Variants in UBR4 observed in about 807,000 individuals in gnomAD.
UBR4 encodes the protein E3 ubiquitin-protein ligase UBR4.
A neutral mutation model predicts 575.6 loss-of-function variants in UBR4; 124 were observed. The ratio of observed to expected loss-of-function variants is 0.22; its 90% CI spans 0.19 to 0.25. UBR4 has a LOEUF of 0.25. Ranked by LOEUF, UBR4 falls within the 10% of genes least tolerant of loss-of-function variation. The pLI is 1.00. For synonymous variants in UBR4, 2,455 were observed against 2,473.7 expected, an observed-to-expected ratio of 0.99 and a Z score of 0.22; for missense variants, 4,818 against 6,478.8, an observed-to-expected ratio of 0.74 and a Z score of 8.80.
intron 93 of UBR4, 128 bp from the exon 94 acceptor site, chr1:19,095,153 T>A: frequency 1.5e-6 from 2 of 1,334,132 alleles, no homozygotes; most frequent in Non-Finnish European, 2.1e-6. Flanking sequence ...ACCGTGTGTA[T>A]GTATGTGCGT....
chr1:19,118,206 C>T, intron 71 of UBR4: 1 of 317,710 alleles, frequency 3.1e-6, no homozygotes, highest in Non-Finnish European at 5.9e-6. Flanking sequence ...TACTAAAAAT[C>T]ATTGAACTGT....
chr1:19,108,981 T>C (rs2079537382), intron 81 of UBR4, among the ~76,000 whole-genome samples: 1 of 152,202 alleles, frequency 6.6e-6, no homozygotes, highest in Non-Finnish European at 1.5e-5. Context: ...AACCAAGGGC[T>C]GATTTTAGTT....
intron 86 of UBR4, 123 bp from the exon 87 acceptor site, chr1:19,104,380 G>T: frequency 7.6e-7 from 1 of 1,318,186 alleles, no homozygotes; most frequent in South Asian, 1.4e-5. Flanking sequence ...ATGGCACAGA[G>T]CAGGTGTTCA....
Position 19,187,159 on chromosome 1 carries a change from C to G in UBR4, c.1632+5G>C. On this transcript the variant is annotated splice_donor_5th_base_variant and intron_variant, in intron 13 of 105. Transcript: ENST00000375254. ...TAAATTATCAATGGCTTAACTCCCA[C>G]CCACCTTTCTGTAGGAAGTTGAAAG... 6.2e-7 allele frequency: 1 copy of G among 1,604,766 alleles called. No individual in the cohort carries two copies. The highest frequency in any genetic ancestry group is 1.1e-5 in the South Asian group (1 of 89,702).
At position 19,204,535 on chromosome 1, in the gene UBR4, A is replaced by ATATAT. The variant is rs1553240283; in HGVS notation, c.177-2721_177-2720insATATA. Among the ~76,000 whole-genome samples, 5 of 150,194 alleles carry ATATAT rather than the reference A, an allele frequency of 3.3e-5. No homozygotes were observed. The South Asian group carries it at 1.0e-3, about 31-fold the overall frequency. On this transcript the variant is annotated intron_variant, in intron 1 of 105. Coordinates refer to ENST00000375254, the MANE Select transcript of UBR4 (RefSeq NM_020765.3). ...TCTGATAATGAAATATATAAAAAAAAATATATATATATATAGGAGTAAACT... is the reference window on the plus strand; with the variant it reads ...TCTGATAATGAAATATATAAAAAAAATATATATATATATATATATAGGAGTAAACT...
chr1:19,092,581 A>G (rs2077629534), intron 97 of UBR4, among the ~76,000 whole-genome samples: 1 of 152,234 alleles, frequency 6.6e-6, no homozygotes, highest in African/African-American at 2.4e-5. Flanking sequence ...AATCCCTCAC[A>G]GTTCAACAGT....
At chr1:19,091,711 A>C (rs1333661548) in intron 97 of UBR4, among the ~76,000 whole-genome samples, 1 of 152,250 alleles carries the variant, frequency 6.6e-6, no homozygotes, top group Non-Finnish European at 1.5e-5. Context: ...TTCCGGTGAA[A>C]TGTAAAATGT....
chr1:19,133,450 G>C (rs1002786959), intron 60 of UBR4, among the ~76,000 whole-genome samples: 4 of 152,182 alleles, frequency 2.6e-5, no homozygotes, highest in African/African-American at 9.7e-5. Context: ...TAATGAGAAA[G>C]TATTGAACCT....
Position 19,113,681 on chromosome 1 carries a change from C to T in UBR4, c.11457+18G>A. ...CACTTGGACAAAACACACCCAAAAGCTGCTCCCCGCTCTCTACCTGGATGA... is the reference window on the plus strand; with the variant it reads ...CACTTGGACAAAACACACCCAAAAGTTGCTCCCCGCTCTCTACCTGGATGA... On this transcript the variant is annotated intron_variant, in intron 77 of 105. Coordinates refer to ENST00000375254, the MANE Select transcript of UBR4 (RefSeq NM_020765.3). The T allele has an allele frequency of 6.2e-7, 1 of 1,613,712 alleles. No individual in the cohort carries two copies. The highest frequency in any genetic ancestry group is 8.5e-7 in the Non-Finnish European group (1 of 1,179,912).
Position 19,170,749 on chromosome 1 carries a change from T to C in UBR4, c.3643+13A>G, listed in dbSNP as rs753023613. 1 of 1,614,170 alleles carries C rather than the reference T, an allele frequency of 6.2e-7. No individual in the cohort carries two copies. Among genetic ancestry groups the C allele is most frequent in the South Asian group, 1.1e-5 (1 of 91,084 alleles). ...TGTAATAATATTACTCAAAAGCACA[T>C]TTGTTCTCTTACCCAGAGTATTTGC... On this transcript the variant is annotated intron_variant, in intron 26 of 105. Transcript: ENST00000375254.
At chr1:19,124,850 C>T (rs2081551377) in intron 64 of UBR4, among the ~76,000 whole-genome samples, 160 bp from the exon 65 acceptor site, 1 of 152,032 alleles carries the variant, frequency 6.6e-6, no homozygotes, top group African/African-American at 2.4e-5. Flanking sequence ...TCTATAAACC[C>T]AGAAGGCCCA....
At chr1:19,075,025 G>A in intron 105 of UBR4, 129 bp from the exon 106 acceptor site, 4 of 917,742 alleles carry the variant, frequency 4.4e-6, no homozygotes, top group Non-Finnish European at 6.9e-6. Flanking sequence ...CTGCTCACTG[G>A]ACAGCAGCAT....
intron 60 of UBR4, among the ~76,000 whole-genome samples, chr1:19,137,707 G>T (rs2083353437): frequency 6.6e-6 from 1 of 152,164 alleles, no homozygotes; most frequent in South Asian, 2.1e-4. Context: ...GATGAAACTG[G>T]AAAGATTTGA....
chr1:19,186,775 G>T, intron 13 of UBR4, 118 bp from the exon 14 acceptor site: 1 of 857,896 alleles, frequency 1.2e-6, no homozygotes, highest in Non-Finnish European at 1.8e-6. Context: ...CCTCTTAATA[G>T]CTCCCTTAAT....
chr1:19,197,605 T>G, intron 7 of UBR4, 65 bp downstream of exon 7: 2 of 1,582,068 alleles, frequency 1.3e-6, no homozygotes, highest in Non-Finnish European at 1.7e-6. Flanking sequence ...CCAGCCTGGG[T>G]GACAGAACAA....
chr1:19,203,177 G>C (rs1193295751), intron 1 of UBR4, among the ~76,000 whole-genome samples: 1 of 152,130 alleles, frequency 6.6e-6, no homozygotes, highest in Non-Finnish European at 1.5e-5. Flanking sequence ...AGTTTACTTA[G>C]TGAGTCAATC....
chr1:19,199,635 G>C lies in UBR4; in HGVS notation c.378+16C>G, dbSNP rs772183150. On this transcript the variant is annotated intron_variant, in intron 3 of 105. Transcript: ENST00000375254. Reference sequence around the variant, plus strand: ...CTGCTTCAGAATAGGGCAAGAAATGGGCCCATCACTCTCACCTGGGACACA... The same window carrying C: ...CTGCTTCAGAATAGGGCAAGAAATGCGCCCATCACTCTCACCTGGGACACA... The C allele has an allele frequency of 1.1e-5, 18 of 1,610,832 alleles. No individual in the cohort carries two copies. The highest frequency in any genetic ancestry group is 3.3e-4 in the Middle Eastern group (2 of 6,074).
Position 19,100,027 on chromosome 1 carries a change from C to T in UBR4, c.13221+349G>A. 2.3e-6 allele frequency: 1 copy of T among 433,056 alleles called. No homozygotes were observed. The highest frequency in any genetic ancestry group is 4.1e-6 in the Non-Finnish European group (1 of 242,024). 26.8% of individuals were successfully genotyped at this position (433,056 alleles called of 1,614,324 possible). On this transcript the variant is annotated intron_variant, in intron 89 of 105. Coordinates refer to ENST00000375254, the MANE Select transcript of UBR4 (RefSeq NM_020765.3). This position sits in a 1 kb window ranked among gnomAD's most constrained non-coding sequence, Gnocchi z 4.2. ...TAACTGACACGGGGACATAAACCTG[C>T]ACAGGGGGTAAAACGCCAATATTTA...
intron 91 of UBR4, 44 bp from the exon 92 acceptor site, chr1:19,096,694 A>G (rs1486793848): frequency 6.2e-7 from 1 of 1,609,342 alleles, no homozygotes; most frequent in Non-Finnish European, 8.5e-7. Flanking sequence ...GGTAAGGTGA[A>G]GATGGGAATA....
Sources: gnomAD v4.1 joint callset for allele counts (sites outside exome capture counted in the v4.1 genomes callset) on GRCh38, gnomAD v4.1.1 for gene constraint, Gnocchi (gnomAD v3.1) non-coding constraint, MANE v1.5 for transcripts, NCBI Gene and HGNC (gene_info 2026-07-23, HGNC 2026-07-21) for gene names.